PRKG1: variants seen among roughly 807,000 people sequenced by gnomAD.
PRKG1 encodes cGMP-dependent protein kinase 1.
In PRKG1, 35 loss-of-function variants were observed where a neutral mutation model predicts 88.1. The ratio of observed to expected loss-of-function variants is 0.40; its 90% CI spans 0.30 to 0.53. The LOEUF is 0.53. PRKG1 is among the 20% of genes least tolerant of loss of function. PRKG1 has a pLI of 0.59. For missense variants in PRKG1, 540 were observed against 839.8 expected (o/e 0.64, Z 4.41); for synonymous variants, 303 against 292.5 (o/e 1.04, Z -0.37).
intron 2 of PRKG1, among the ~76,000 whole-genome samples, chr10:51,452,776 G>A (rs958945984): frequency 4.0e-5 from 6 of 151,870 alleles, no homozygotes; most frequent in Non-Finnish European, 5.9e-5. Flanking sequence ...TCCCTTCTTG[G>A]TTTTGGTATT....
At chr10:51,911,792 T>G (rs1387693457) in intron 5 of PRKG1, among the ~76,000 whole-genome samples, 1 of 152,208 alleles carries the variant, frequency 6.6e-6, no homozygotes, top group African/African-American at 2.4e-5. Context: ...GAAATGTGCT[T>G]GCATAATAAT....
intron 2 of PRKG1, among the ~76,000 whole-genome samples, chr10:51,301,697 G>T (rs997175361): frequency 6.6e-6 from 1 of 152,340 alleles, no homozygotes; most frequent in Admixed American, 6.5e-5. Flanking sequence ...CAGTCAGTCT[G>T]TGGGCATGTG....
At chr10:51,549,085 C>G (rs1842512843) in intron 3 of PRKG1, among the ~76,000 whole-genome samples, 1 of 123,384 alleles carries the variant, frequency 8.1e-6, no homozygotes, top group Non-Finnish European at 1.8e-5. Flanking sequence ...TACCAAGTTT[C>G]TTCCCTTCCT....
chr10:52,106,708 TAATAATAA>T (rs1402262130), intron 7 of PRKG1, among the ~76,000 whole-genome samples: 1 of 55,178 alleles, frequency 1.8e-5, no homozygotes, highest in Non-Finnish European at 4.7e-5. Flanking sequence ...TGTCCCAAAA[TAATAATAA>T]TAATAATAAT....
intron 7 of PRKG1, among the ~76,000 whole-genome samples, chr10:52,083,167 C>T (rs1846823096): frequency 6.6e-6 from 1 of 151,980 alleles, no homozygotes; most frequent in Non-Finnish European, 1.5e-5. Context: ...CCATAGCACA[C>T]TGTAAATAAA....
At chr10:51,743,719 TATATATAATATAAACTAA>T (rs1415078804) in intron 3 of PRKG1, among the ~76,000 whole-genome samples, 3,514 of 67,970 alleles carry the variant, frequency 0.052, 160 homozygotes, top group South Asian at 0.098. Context: ...TAAATATATA[TATATATAATATAAACTAA>T]ATATATATAT....
chr10:52,027,092 T>C (rs934451867), intron 5 of PRKG1, among the ~76,000 whole-genome samples: 1 of 152,232 alleles, frequency 6.6e-6, no homozygotes, highest in Non-Finnish European at 1.5e-5. Context: ...ATGTAACCTA[T>C]AACTCAATCC....
chr10:51,017,377 T>G (rs946561604), intron 1 of PRKG1, among the ~76,000 whole-genome samples: 2 of 152,238 alleles, frequency 1.3e-5, no homozygotes, highest in Non-Finnish European at 2.9e-5. Context: ...TCTCACTGAC[T>G]CCCCTTTTAG....
At chr10:51,753,997 A>G (rs1294579939) in intron 3 of PRKG1, among the ~76,000 whole-genome samples, 1 of 151,860 alleles carries the variant, frequency 6.6e-6, no homozygotes, top group Non-Finnish European at 1.5e-5. Flanking sequence ...AGTCTCTAGG[A>G]TCACTGTAAC....
At chr10:52,051,122 A>C (rs1281987569) in intron 5 of PRKG1, among the ~76,000 whole-genome samples, 1 of 152,206 alleles carries the variant, frequency 6.6e-6, no homozygotes, top group Non-Finnish European at 1.5e-5. Context: ...ACTTTCGCTC[A>C]TTTTAATATA....
intron 1 of PRKG1, among the ~76,000 whole-genome samples, chr10:51,000,799 G>A (rs1265359964): frequency 6.6e-6 from 1 of 151,926 alleles, no homozygotes; most frequent in Non-Finnish European, 1.5e-5. Context: ...TGTCAATAAG[G>A]GTACACAAGA....
At chr10:51,966,642 C>T (rs924754002) in intron 5 of PRKG1, among the ~76,000 whole-genome samples, 1 of 152,096 alleles carries the variant, frequency 6.6e-6, no homozygotes, top group Non-Finnish European at 1.5e-5. Flanking sequence ...TGTACAGCCC[C>T]ATGATTCACA....
chr10:51,097,604 C>T (rs1844564439), intron 1 of PRKG1, among the ~76,000 whole-genome samples: 1 of 152,100 alleles, frequency 6.6e-6, no homozygotes, highest in South Asian at 2.1e-4. Context: ...TGCTGTTACT[C>T]CCATCTTCTT....
At chr10:51,132,669 C>G (rs917384007) in intron 1 of PRKG1, among the ~76,000 whole-genome samples, 2 of 147,736 alleles carry the variant, frequency 1.4e-5, no homozygotes, top group African/African-American at 4.9e-5. Context: ...GACATCAGCA[C>G]GTACATACCG....
At chr10:52,177,294 G>A (rs1838892351) in intron 9 of PRKG1, among the ~76,000 whole-genome samples, 1 of 151,910 alleles carries the variant, frequency 6.6e-6, no homozygotes, top group Non-Finnish European at 1.5e-5. Context: ...TTCTGTTGAT[G>A]GTATGTATGA....
chr10:51,290,831 T>C (rs1840565163), intron 2 of PRKG1, among the ~76,000 whole-genome samples: 5 of 152,148 alleles, frequency 3.3e-5, no homozygotes, highest in Non-Finnish European at 7.4e-5. Context: ...GTGTTTCAAC[T>C]GTGTGCTCCT....
chr10:51,632,404 A>G (rs1404534660), intron 3 of PRKG1, among the ~76,000 whole-genome samples: 1 of 152,194 alleles, frequency 6.6e-6, no homozygotes, highest in Non-Finnish European at 1.5e-5. Flanking sequence ...GGACTTTGAA[A>G]AATAGGCTGA....
chr10:51,495,419 A>T (rs188704757), intron 3 of PRKG1, among the ~76,000 whole-genome samples: 13 of 152,296 alleles, frequency 8.5e-5, no homozygotes, highest in Admixed American at 3.9e-4. Flanking sequence ...ATGACTTTGA[A>T]CTTGAATACT....
At chr10:51,258,947 C>T (rs1839633936) in intron 2 of PRKG1, among the ~76,000 whole-genome samples, 1 of 152,110 alleles carries the variant, frequency 6.6e-6, no homozygotes, top group Non-Finnish European at 1.5e-5. Flanking sequence ...ACCTCACGTT[C>T]AATATTTTAC....
Sources: gnomAD v4.1 joint callset for allele counts (sites outside exome capture counted in the v4.1 genomes callset) on GRCh38, gnomAD v4.1.1 for gene constraint, MANE v1.5 for transcripts, NCBI Gene and HGNC (gene_info 2026-07-23, HGNC 2026-07-21) for gene names.